CADPS: variants seen among roughly 807,000 people sequenced by gnomAD.
CADPS encodes calcium-dependent secretion activator 1.
In CADPS, 57 loss-of-function variants were observed where a neutral mutation model predicts 167.3. The ratio of observed to expected loss-of-function variants is 0.34; its 90% CI spans 0.28 to 0.42. The LOEUF is 0.42. Among genes scored for constraint, CADPS ranks in the 20% least tolerant of loss-of-function variants. The pLI, the probability that CADPS is intolerant of heterozygous loss-of-function variation, is 1.00. For missense variants in CADPS, 1,414 were observed against 1,738.1 expected, an observed-to-expected ratio of 0.81 and a Z score of 3.32; for synonymous variants, 676 against 635.3, an observed-to-expected ratio of 1.06 and a Z score of -0.96.
intron 1 of CADPS, among the ~76,000 whole-genome samples, chr3:62,767,477 T>C (rs1158594898): frequency 6.6e-6 from 1 of 152,202 alleles, no homozygotes; most frequent in Non-Finnish European, 1.5e-5. Context: ...AAATTAAAAG[T>C]TTTTATATAA....
At chr3:62,494,945 G>A (rs1371336949) in intron 18 of CADPS, among the ~76,000 whole-genome samples, 1 of 151,998 alleles carries the variant, frequency 6.6e-6, no homozygotes, top group African/African-American at 2.4e-5. Flanking sequence ...TTACAGGCAT[G>A]AGCCACCACA....
At chr3:62,527,945 G>A (rs1443381270) in intron 13 of CADPS, among the ~76,000 whole-genome samples, 1 of 152,176 alleles carries the variant, frequency 6.6e-6, no homozygotes, top group Non-Finnish European at 1.5e-5. Context: ...GGTTTGGAAT[G>A]TGGTTTCCCC....
At chr3:62,589,697 A>C (rs994517111) in intron 7 of CADPS, among the ~76,000 whole-genome samples, 4 of 152,178 alleles carry the variant, frequency 2.6e-5, no homozygotes, top group African/African-American at 9.7e-5. Flanking sequence ...TGGCCCATGC[A>C]TGGGTCCCTG....
intron 1 of CADPS, among the ~76,000 whole-genome samples, chr3:62,790,476 T>C (rs1246108050): frequency 6.6e-6 from 1 of 152,086 alleles, no homozygotes; most frequent in Non-Finnish European, 1.5e-5. Flanking sequence ...TTTGAAAGAG[T>C]ATAAGAAATG....
chr3:62,559,033 C>T (rs1176825824), intron 9 of CADPS, among the ~76,000 whole-genome samples: 1 of 152,192 alleles, frequency 6.6e-6, no homozygotes, highest in Non-Finnish European at 1.5e-5. Context: ...TCAGAGTCTT[C>T]ATCTGTATTT....
intron 3 of CADPS, among the ~76,000 whole-genome samples, chr3:62,725,791 C>T (rs2076645747): frequency 6.6e-6 from 1 of 151,860 alleles, no homozygotes; most frequent in South Asian, 2.1e-4. Context: ...GTCACCCTAA[C>T]TCATGGCAGC....
rs34729200 is a variant in CADPS at position 62,525,679 on chromosome 3, A to ATGTG, written c.2291+7188_2291+7191dup. Among the ~76,000 whole-genome samples, 526 of 148,910 alleles carry ATGTG rather than the reference A, an allele frequency of 3.5e-3. 3 individuals are homozygous for ATGTG. Among genetic ancestry groups the ATGTG allele is most frequent in the African/African-American group, 0.012 (478 of 40,224 alleles). The stretch of plus-strand genomic sequence containing the variant: ...GAGAAGCACCGGATGTAATGTCATT[A>ATGTG]TGTGTGTGTGTGTGTGTGTGTGTGT... On this transcript the variant is annotated intron_variant, in intron 13 of 29. Coordinates refer to ENST00000383710, the MANE Select transcript of CADPS (RefSeq NM_003716.4).
chr3:62,676,276 A>G (rs750417064), intron 3 of CADPS, among the ~76,000 whole-genome samples: 14 of 152,160 alleles, frequency 9.2e-5, no homozygotes, highest in Non-Finnish European at 1.8e-4. Context: ...TTTCAGGTTA[A>G]TATCTCAGCA....
At chr3:62,660,363 G>A (rs981773841) in intron 4 of CADPS, among the ~76,000 whole-genome samples, 1 of 152,170 alleles carries the variant, frequency 6.6e-6, no homozygotes, top group Non-Finnish European at 1.5e-5. Flanking sequence ...TTTTACAGGA[G>A]AAGTAAATTC....
chr3:62,610,886 G>T (rs2061415715), intron 6 of CADPS, among the ~76,000 whole-genome samples: 1 of 151,314 alleles, frequency 6.6e-6, no homozygotes, highest in South Asian at 2.1e-4. Flanking sequence ...TTGGGAGGGG[G>T]GTGTGGGGGG....
intron 3 of CADPS, among the ~76,000 whole-genome samples, chr3:62,743,225 G>C (rs189198991): frequency 1.5e-3 from 236 of 152,294 alleles, no homozygotes; most frequent in African/African-American, 5.1e-3. Context: ...AATTATTGCT[G>C]TTATGATGTG....
intron 1 of CADPS, among the ~76,000 whole-genome samples, chr3:62,812,665 C>A (rs2094441879): frequency 6.6e-6 from 1 of 152,096 alleles, no homozygotes; most frequent in Admixed American, 6.6e-5. Flanking sequence ...CTCATAGGAG[C>A]AATTAAATGG....
At chr3:62,832,738 A>C (rs777263655) in intron 1 of CADPS, among the ~76,000 whole-genome samples, 4 of 152,240 alleles carry the variant, frequency 2.6e-5, no homozygotes, top group Non-Finnish European at 4.4e-5. Context: ...TAGATCCTAA[A>C]TGTAAGAACA....
chr3:62,567,892 T>C (rs1470472360), intron 9 of CADPS, among the ~76,000 whole-genome samples: 1 of 152,134 alleles, frequency 6.6e-6, no homozygotes, highest in Non-Finnish European at 1.5e-5. Flanking sequence ...CCTCTTGATG[T>C]GTCTTGTCTT....
At chr3:62,497,828 A>G (rs748966322) in intron 18 of CADPS, among the ~76,000 whole-genome samples, 1 of 152,228 alleles carries the variant, frequency 6.6e-6, no homozygotes, top group Non-Finnish European at 1.5e-5. Context: ...AATAAAGGTA[A>G]GTACAGACAG....
intron 2 of CADPS, among the ~76,000 whole-genome samples, chr3:62,758,614 T>C (rs1461230264): frequency 2.0e-5 from 3 of 152,298 alleles, no homozygotes; most frequent in South Asian, 4.1e-4. Flanking sequence ...TTTGTATCCG[T>C]GTTTGTTTCT....
intron 29 of CADPS, among the ~76,000 whole-genome samples, chr3:62,402,766 A>G (rs1198362125): frequency 6.6e-6 from 1 of 152,272 alleles, no homozygotes; most frequent in East Asian, 1.9e-4. Flanking sequence ...TGTGATTAAC[A>G]TAATGACACC....
At position 62,554,878 on chromosome 3, in the gene CADPS, G is replaced by A. The variant is rs148705002; in HGVS notation, c.1753+2527C>T. On this transcript the variant is annotated intron_variant, in intron 10 of 29. Coordinates refer to ENST00000383710, the MANE Select transcript of CADPS (RefSeq NM_003716.4). ...AGCGATTCTCCTGCTTCAGCCTCCC[G>A]AGTAGCTCGGATTACAGGTGCGTGC... Among the ~76,000 whole-genome samples the A allele has an allele frequency of 1.3e-4, 20 of 152,080 alleles. 1 individual carries two copies. The East Asian group carries it at 3.7e-3, about 28-fold the overall frequency.
rs2077225732 is a variant in CADPS, at chr3:62,550,940, T to A, written c.1754-825A>T. 15 of 456,824 alleles carry A rather than the reference T, an allele frequency of 3.3e-5. No homozygotes were observed. The Admixed American group carries it at 3.5e-4, about 11-fold the overall frequency. The allele number at this position is 456,824 out of a possible 1,614,324, so 28.3% of individuals were successfully genotyped here. On this transcript the variant is annotated intron_variant, in intron 10 of 29. Transcript: ENST00000383710. ...ACTTTCCTCCTACCATCCTGGCTGC[T>A]GCTCCTTAGTCTTGTCTGGTGGCTC...
Sources: allele counts gnomAD v4.1 joint callset (sites outside exome capture counted in the v4.1 genomes callset), GRCh38; gene constraint gnomAD v4.1.1; transcripts MANE v1.5; gene names NCBI Gene and HGNC (gene_info 2026-07-23, HGNC 2026-07-21).